CMC2: variants seen among roughly 807,000 people sequenced by gnomAD.
CMC2 encodes COX assembly mitochondrial protein 2 homolog.
A neutral mutation model predicts 7.5 loss-of-function variants in CMC2; 5 were observed. The observed-to-expected ratio is 0.66, with a 90% CI of 0.35 to 1.40. The LOEUF is 1.40. Ranked by LOEUF, CMC2 falls within the 40% of genes most tolerant of loss-of-function variation. CMC2 has a pLI of 0.04. For synonymous variants in CMC2, 37 were observed against 31.4 expected (o/e 1.18, Z -0.60); for missense variants, 115 against 92.3 (o/e 1.25, Z -1.01).
chr16:80,998,580 T>C (rs1191819285), intron 1 of CMC2: 2 of 152,142 alleles, frequency 1.3e-5, no homozygotes, highest in Non-Finnish European at 2.9e-5. Flanking sequence ...TGAACACCCA[T>C]GTTCACGGCA....
intron 2 of CMC2, among the ~76,000 whole-genome samples, chr16:80,989,764 C>T (rs1967827054): frequency 6.6e-6 from 1 of 152,190 alleles, no homozygotes; most frequent in African/African-American, 2.4e-5. Flanking sequence ...TAATTCCAAT[C>T]CAACATCACA....
At chr16:80,999,837 G>A (rs911373801) in intron 1 of CMC2, among the ~76,000 whole-genome samples, 9 of 152,250 alleles carry the variant, frequency 5.9e-5, no homozygotes, top group African/African-American at 2.2e-4. Context: ...TGGGATAGTT[G>A]GCTAGCTATA....
chr16:80,993,740 A>C (rs1457703992), intron 2 of CMC2, among the ~76,000 whole-genome samples: 1 of 152,198 alleles, frequency 6.6e-6, no homozygotes, highest in East Asian at 1.9e-4. Flanking sequence ...AATATGTAAA[A>C]ACACGAACTG....
At chr16:81,002,255 T>C (rs1409664888) in intron 1 of CMC2, among the ~76,000 whole-genome samples, 4 of 151,944 alleles carry the variant, frequency 2.6e-5, no homozygotes, top group Admixed American at 2.6e-4. Flanking sequence ...CGAAACCCCA[T>C]CTCTACTAAA....
At chr16:80,978,149 A>G in intron 3 of CMC2, 1 of 407,686 alleles carries the variant, frequency 2.5e-6, no homozygotes, top group Non-Finnish European at 3.4e-6. Context: ...TCATACATTA[A>G]ATTTACTCAT....
At chr16:80,989,904 G>A (rs1484528154) in intron 2 of CMC2, among the ~76,000 whole-genome samples, 1 of 152,186 alleles carries the variant, frequency 6.6e-6, no homozygotes, top group African/African-American at 2.4e-5. Context: ...TGTCAGAACT[G>A]CCAATCCACA....
chr16:80,993,872 A>G (rs1486662254), intron 2 of CMC2, among the ~76,000 whole-genome samples: 2 of 152,222 alleles, frequency 1.3e-5, no homozygotes, highest in Non-Finnish European at 2.9e-5. Flanking sequence ...TATGGAAATG[A>G]AAGTACTTAG....
chr16:81,003,324 C>T (rs1969003403), intron 1 of CMC2, among the ~76,000 whole-genome samples: 1 of 152,204 alleles, frequency 6.6e-6, no homozygotes, highest in Non-Finnish European at 1.5e-5. Context: ...CTTAAAATTT[C>T]TTCAAAGTCA....
intron 2 of CMC2, among the ~76,000 whole-genome samples, chr16:80,996,690 C>T (rs1014002231): frequency 1.3e-5 from 2 of 152,220 alleles, no homozygotes; most frequent in African/African-American, 4.8e-5. Context: ...AAAGAAAAAA[C>T]AAATGCTTCT....
intron 2 of CMC2, among the ~76,000 whole-genome samples, chr16:80,986,134 G>A (rs1451384512): frequency 6.6e-6 from 1 of 152,170 alleles, no homozygotes; most frequent in Non-Finnish European, 1.5e-5. Flanking sequence ...GATCACCTGA[G>A]GTCAGGAGTT....
In CMC2 at chr16:81,006,761, G is replaced by T; in HGVS notation, c.-63C>A. 13 of 985,728 alleles carry T rather than the reference G, an allele frequency of 1.3e-5. No individual in the cohort carries two copies. Among genetic ancestry groups the T allele is most frequent in the Non-Finnish European group, 1.6e-5 (13 of 830,182 alleles). 61.1% of individuals were successfully genotyped at this position (985,728 alleles called of 1,614,324 possible). A position where few individuals can be genotyped will look rare whatever the true frequency, so the allele number is the denominator to read the frequency against. On this transcript the variant is annotated 5_prime_UTR_variant, in exon 1 of 4. Coordinates refer to ENST00000219400, the MANE Select transcript of CMC2 (RefSeq NM_020188.5). The stretch of plus-strand genomic sequence containing the variant: ...GACTCGTGGCCACACCGGGAGAACT[G>T]AAGCGGCAGTAGCCGGCGGAGACGC...
chr16:80,977,716 G>A (rs16954370), intron 3 of CMC2, among the ~76,000 whole-genome samples: 2 of 152,132 alleles, frequency 1.3e-5, no homozygotes, highest in African/African-American at 2.4e-5. Context: ...AGTTTTGACT[G>A]AAGGATTCTA....
intron 1 of CMC2, among the ~76,000 whole-genome samples, chr16:81,000,327 C>A (rs112455825): frequency 0.024 from 3,709 of 152,182 alleles, 138 homozygotes; most frequent in African/African-American, 0.084. Flanking sequence ...GAAACCCCAT[C>A]TCTACTAAAG....
chr16:80,997,847 T>C (rs1231487062), intron 1 of CMC2: 1 of 152,970 alleles, frequency 6.5e-6, no homozygotes, highest in East Asian at 1.9e-4. Flanking sequence ...ATTCTGAGGG[T>C]TAAAGGGTCA....
intron 1 of CMC2, chr16:80,997,856 C>T (rs371865847): frequency 6.6e-6 from 1 of 152,166 alleles, no homozygotes; most frequent in African/African-American, 2.4e-5. Flanking sequence ...GTTAAAGGGT[C>T]ATTAGTCTCA....
intron 1 of CMC2, among the ~76,000 whole-genome samples, chr16:81,004,478 T>C (rs923057075): frequency 6.6e-6 from 1 of 152,208 alleles, no homozygotes. Context: ...ATCTTTACAA[T>C]GGCATTTAAG....
chr16:81,000,046 T>C (rs79790217), intron 1 of CMC2, among the ~76,000 whole-genome samples: 336 of 152,094 alleles, frequency 2.2e-3, no homozygotes, highest in Non-Finnish European at 4.1e-3. Flanking sequence ...TGAAACCTAA[T>C]TAAAGATCTC....
chr16:80,979,847 C>A (rs1186691100), intron 3 of CMC2, among the ~76,000 whole-genome samples: 1 of 152,024 alleles, frequency 6.6e-6, no homozygotes, highest in Admixed American at 6.6e-5. Context: ...GTCTCAAACT[C>A]CTGACCTCAG....
intron 2 of CMC2, chr16:80,984,036 T>G (rs1167881456): frequency 1.3e-5 from 2 of 151,408 alleles, no homozygotes; most frequent in Non-Finnish European, 2.9e-5. Flanking sequence ...AAAGGTCATA[T>G]AAATAAGCCA....
Sources: allele counts gnomAD v4.1 joint callset (sites outside exome capture counted in the v4.1 genomes callset), GRCh38; gene constraint gnomAD v4.1.1; transcripts MANE v1.5; gene names NCBI Gene and HGNC (gene_info 2026-07-23, HGNC 2026-07-21).